The following PCBP3 variants were observed in gnomAD, a reference collection of about 807,000 sequenced individuals.
PCBP3 encodes the protein poly(rC) binding protein 3.
Under a neutral mutation model 52.7 loss-of-function variants are expected in PCBP3, and 25 were observed. The observed-to-expected ratio is 0.47, with a 90% CI of 0.35 to 0.66. The LOEUF (loss-of-function observed/expected upper bound fraction) is 0.66. Ranked by LOEUF, PCBP3 falls within the 30% of genes least tolerant of loss-of-function variation. PCBP3 has a pLI of 0.01. For missense variants in PCBP3, 391 were observed against 490.3 expected (o/e 0.80, Z 1.91); for synonymous variants, 162 against 183.0 (o/e 0.89, Z 0.93).
chr21:45,725,029 G>A (rs980498108), intron 2 of PCBP3, among the ~76,000 whole-genome samples: 1 of 152,126 alleles, frequency 6.6e-6, no homozygotes, highest in African/African-American at 2.4e-5. Context: ...GTAACATTTT[G>A]CTTGGGTTTT....
intron 2 of PCBP3, among the ~76,000 whole-genome samples, chr21:45,733,277 A>G (rs1330950696): frequency 6.6e-6 from 1 of 151,984 alleles, no homozygotes. Context: ...TTTATGATAG[A>G]TGTTTTATTT....
intron 2 of PCBP3, among the ~76,000 whole-genome samples, chr21:45,713,659 T>G: frequency 6.6e-6 from 1 of 152,230 alleles, no homozygotes; most frequent in East Asian, 1.9e-4. Context: ...GCTCCGCTAC[T>G]TGCATGGTGC....
chr21:45,817,587 G>T lies in PCBP3; in HGVS notation c.-125-32374G>T, dbSNP rs2093004233. ...CGAGGCAGCAGCTTGTGTGTGTGCT[G>T]CACTGCCGTGAGCAGCAACTTGACA... On this transcript the variant is annotated intron_variant, in intron 4 of 17. Coordinates refer to ENST00000681687, the MANE Select transcript of PCBP3 (RefSeq NM_001384156.1). This position sits in a 1 kb window ranked among gnomAD's most constrained non-coding sequence, Gnocchi z 4.3. Among the ~76,000 whole-genome samples, 1 of 152,252 alleles carries T rather than the reference G, an allele frequency of 6.6e-6. No homozygotes were observed. Among genetic ancestry groups the T allele is most frequent in the South Asian group, 2.1e-4 (1 of 4,832 alleles).
rs1009975102 is a variant in PCBP3 at position 45,764,884 on chromosome 21, C to T, written c.-126+9432C>T. 5.9e-5 allele frequency among the ~76,000 whole-genome samples: 9 copies of T among 152,260 alleles called. No individual in the cohort carries two copies. In the South Asian group the frequency reaches 6.2e-4, roughly 11 times the overall value. ...TCCTGGGAACGGGCTGGGGCTATGC[C>T]GGAGAAGCTTTGCTCTTGGAAGGGG... is the stretch of plus-strand genomic sequence containing the variant. On this transcript the variant is annotated intron_variant, in intron 4 of 17. Transcript: ENST00000681687.
intron 2 of PCBP3, among the ~76,000 whole-genome samples, chr21:45,674,680 T>C (rs2081361603): frequency 6.6e-6 from 1 of 152,148 alleles, no homozygotes; most frequent in African/African-American, 2.4e-5. Context: ...AAAGTTTTGG[T>C]TTAATAGTCT....
intron 4 of PCBP3, among the ~76,000 whole-genome samples, chr21:45,794,451 G>A (rs1454422681): frequency 1.3e-5 from 2 of 151,996 alleles, no homozygotes; most frequent in African/African-American, 4.8e-5. Flanking sequence ...TGAGGAATAG[G>A]GACAGATGCA....
At chr21:45,857,091 A>AC (rs552557244) in intron 5 of PCBP3, among the ~76,000 whole-genome samples, 59 of 152,082 alleles carry the variant, frequency 3.9e-4, no homozygotes, top group Non-Finnish European at 6.5e-4. Flanking sequence ...AAGCTGCTGG[A>AC]CTCTCAGTTA....
intron 2 of PCBP3, among the ~76,000 whole-genome samples, chr21:45,713,926 T>G (rs1354691743): frequency 6.6e-6 from 1 of 152,254 alleles, no homozygotes; most frequent in Admixed American, 6.5e-5. Flanking sequence ...CCAGGACAGC[T>G]AGGGGTGGGG....
intron 2 of PCBP3, among the ~76,000 whole-genome samples, chr21:45,708,322 GT>G (rs1354867711): frequency 6.6e-6 from 1 of 152,112 alleles, no homozygotes; most frequent in Non-Finnish European, 1.5e-5. Context: ...TGGCAGGAGG[GT>G]CAGAATCTGC....
chr21:45,906,659 G>A (rs1026211709), intron 9 of PCBP3, among the ~76,000 whole-genome samples: 6 of 152,174 alleles, frequency 3.9e-5, no homozygotes, highest in African/African-American at 1.4e-4. Context: ...CCCACCTCAT[G>A]AGGCAGGGGT....
At chr21:45,792,375 A>G (rs2146409311) in intron 4 of PCBP3, among the ~76,000 whole-genome samples, 1 of 152,340 alleles carries the variant, frequency 6.6e-6, no homozygotes, top group Non-Finnish European at 1.5e-5. Context: ...ATGAAGGTGC[A>G]GAGAAGGTGG....
chr21:45,690,560 C>G (rs1295130962), intron 2 of PCBP3, among the ~76,000 whole-genome samples: 3 of 151,934 alleles, frequency 2.0e-5, no homozygotes, highest in Non-Finnish European at 4.4e-5. Flanking sequence ...AATTTTTTTC[C>G]TACATATATC....
At chr21:45,658,689 G>T (rs2080182038) in intron 1 of PCBP3, among the ~76,000 whole-genome samples, 1 of 152,124 alleles carries the variant, frequency 6.6e-6, no homozygotes, top group South Asian at 2.1e-4. Flanking sequence ...TGGTATTAGG[G>T]TAATACTGGC....
At chr21:45,683,044 T>TA (rs2081945775) in intron 2 of PCBP3, among the ~76,000 whole-genome samples, 2 of 151,482 alleles carry the variant, frequency 1.3e-5, no homozygotes, top group East Asian at 1.9e-4. Flanking sequence ...AAAACAAAAA[T>TA]ACTGCGTGTC....
intron 4 of PCBP3, chr21:45,761,901 C>G (rs1323779797): frequency 6.6e-6 from 1 of 152,292 alleles, no homozygotes; most frequent in African/African-American, 2.4e-5. Flanking sequence ...GCGCAGCTCC[C>G]GTTATCCTGA....
At position 45,830,797 on chromosome 21, in the gene PCBP3, A is replaced by G. The variant is rs1439133678; in HGVS notation, c.-125-19164A>G. The G allele has an allele frequency of 6.6e-6, 1 of 152,284 alleles. No homozygotes were observed. The highest frequency in any genetic ancestry group is 6.5e-5 in the Admixed American group (1 of 15,290). The allele number at this position is 152,284 out of a possible 1,614,324, so 9.4% of individuals were successfully genotyped here. On this transcript the variant is annotated intron_variant, in intron 4 of 17. Coordinates refer to ENST00000681687, the MANE Select transcript of PCBP3 (RefSeq NM_001384156.1). The surrounding 1 kb of genome is among the most constrained non-coding windows in gnomAD (Gnocchi z 4.4). ...GGGAATTGGGTATACGAACATTTAT[A>G]AGCCAGTATTATGATGCCGAAAATG...
rs2092479059 is a variant in PCBP3, at chr21:45,805,879, G to T, written c.-125-44082G>T. Reference sequence around the variant, plus strand: ...CACTCGGATGGTCCTGAGGAAAGGAGGGCGAGAGCAGAGCTGGGGGGGCGG... The same window carrying T: ...CACTCGGATGGTCCTGAGGAAAGGATGGCGAGAGCAGAGCTGGGGGGGCGG... On this transcript the variant is annotated intron_variant, in intron 4 of 17. Transcript: ENST00000681687. The surrounding 1 kb of genome is among the most constrained non-coding windows in gnomAD (Gnocchi z 4.6). 6.6e-6 allele frequency among the ~76,000 whole-genome samples: 1 copy of T among 152,190 alleles called. No homozygotes were observed. Among genetic ancestry groups the T allele is most frequent in the Non-Finnish European group, 1.5e-5 (1 of 68,030 alleles).
rs922902658 is a variant in PCBP3 at position 45,702,344 on chromosome 21, A to G, written c.-199-33048A>G. ...CTAACGTTAACACATTTCTGTATAC[A>G]GTGTCAAAAAAAATCACTTGATAAT... On this transcript the variant is annotated intron_variant, in intron 2 of 17. Transcript: ENST00000681687. Among the ~76,000 whole-genome samples the G allele has an allele frequency of 7.9e-5, 12 of 152,334 alleles. No individual in the cohort carries two copies. In the East Asian group the frequency reaches 2.3e-3, roughly 29 times the overall value.
In PCBP3 at chr21:45,724,586, T is replaced by C. The variant is rs1603334292; in HGVS notation, c.-199-10806T>C. 6.6e-6 allele frequency among the ~76,000 whole-genome samples: 1 copy of C among 152,140 alleles called. No homozygotes were observed. The highest frequency in any genetic ancestry group is 6.5e-5 in the Admixed American group (1 of 15,288). ...TCTGTAACACGAACATTAAAACTGA[T>C]TTGAGGTGTTAGCGGTGTCACTGTA... On this transcript the variant is annotated intron_variant, in intron 2 of 17. Transcript: ENST00000681687. This position sits in a 1 kb window ranked among gnomAD's most constrained non-coding sequence, Gnocchi z 5.3.
Sources: allele counts gnomAD v4.1 joint callset (sites outside exome capture counted in the v4.1 genomes callset), GRCh38; gene constraint gnomAD v4.1.1; non-coding constraint Gnocchi (gnomAD v3.1); transcripts MANE v1.5; gene names NCBI Gene and HGNC (gene_info 2026-07-23, HGNC 2026-07-21).